The following EDIL3 variants were observed in gnomAD, a reference collection of about 807,000 sequenced individuals.
EDIL3 encodes EGF-like repeat and discoidin I-like domain-containing protein 3.
A neutral mutation model predicts 67.4 loss-of-function variants in EDIL3; 37 were observed. The observed-to-expected ratio is 0.55, with a 90% CI of 0.42 to 0.72. EDIL3 has a LOEUF of 0.72. Among genes scored for constraint, EDIL3 ranks in the 30% least tolerant of loss-of-function variants. The pLI is 0.00. For missense variants in EDIL3, 527 were observed against 586.3 expected (o/e 0.90, Z 1.04); for synonymous variants, 195 against 196.3 (o/e 0.99, Z 0.05).
chr5:83,952,717 C>T (rs2112118599), intron 10 of EDIL3, among the ~76,000 whole-genome samples: 1 of 151,910 alleles, frequency 6.6e-6, no homozygotes, highest in East Asian at 2.0e-4. Flanking sequence ...TCCATCTCAT[C>T]AGAACAATTT....
chr5:84,362,571 G>GTT, intron 1 of EDIL3, among the ~76,000 whole-genome samples: 1 of 152,074 alleles, frequency 6.6e-6, no homozygotes, highest in African/African-American at 2.4e-5. Flanking sequence ...AAACAAACCT[G>GTT]AGAAGTCCCT....
chr5:84,199,814 C>A lies in EDIL3; in HGVS notation c.227-19293G>T, dbSNP rs1366990633. Among the ~76,000 whole-genome samples the A allele has an allele frequency of 2.0e-5, 3 of 152,006 alleles. No individual in the cohort carries two copies. In the East Asian group the frequency reaches 5.8e-4, roughly 29 times the overall value. The stretch of plus-strand genomic sequence containing the variant: ...AAAAACAGGCTTCCATGTATCACAA[C>A]TCAGCTGCGTTTAAAGCTCCATCAG... On this transcript the variant is annotated intron_variant, in intron 3 of 10. Transcript: ENST00000296591.
intron 9 of EDIL3, among the ~76,000 whole-genome samples, chr5:84,040,734 A>G (rs1580294162): frequency 6.6e-6 from 1 of 152,112 alleles, no homozygotes; most frequent in East Asian, 1.9e-4. Flanking sequence ...GGTACCACAG[A>G]ATTTCTTTAA....
intron 1 of EDIL3, among the ~76,000 whole-genome samples, chr5:84,311,635 T>C (rs576002123): frequency 1.3e-5 from 2 of 151,796 alleles, no homozygotes; most frequent in East Asian, 1.9e-4. Context: ...CATAGGACAA[T>C]AGTGGAGGGA....
intron 9 of EDIL3, among the ~76,000 whole-genome samples, chr5:84,010,497 A>C (rs940272361): frequency 1.1e-4 from 16 of 152,044 alleles, no homozygotes; most frequent in Non-Finnish European, 7.4e-5. Context: ...TTATCTTTCC[A>C]GTACAGGTTC....
intron 1 of EDIL3, among the ~76,000 whole-genome samples, chr5:84,283,735 G>C (rs1376999553): frequency 6.6e-6 from 1 of 152,058 alleles, no homozygotes; most frequent in African/African-American, 2.4e-5. Context: ...TTGTGTCCTA[G>C]CATATATTCC....
intron 4 of EDIL3, among the ~76,000 whole-genome samples, chr5:84,139,215 C>A (rs1748146035): frequency 6.9e-6 from 1 of 144,462 alleles, no homozygotes; most frequent in East Asian, 2.1e-4. Context: ...CCAGCCTGGG[C>A]AACAGAGCTA....
At chr5:84,076,549 A>T (rs1319412860) in intron 6 of EDIL3, among the ~76,000 whole-genome samples, 1 of 152,218 alleles carries the variant, frequency 6.6e-6, no homozygotes, top group African/African-American at 2.4e-5. Flanking sequence ...CGAGCTACGT[A>T]GATTTTCTAA....
chr5:84,325,220 C>A (rs1220638011), intron 1 of EDIL3, among the ~76,000 whole-genome samples: 1 of 151,796 alleles, frequency 6.6e-6, no homozygotes, highest in Non-Finnish European at 1.5e-5. Flanking sequence ...AATTATAAAT[C>A]ATATATCTAA....
chr5:84,160,122 T>C (rs1343229590), intron 4 of EDIL3, among the ~76,000 whole-genome samples: 2 of 152,172 alleles, frequency 1.3e-5, no homozygotes, highest in African/African-American at 4.8e-5. Context: ...CTACTACTCC[T>C]TCTTCAGAAC....
Position 83,943,186 on chromosome 5 carries a change from A to G in EDIL3, c.*233T>C. On this transcript the variant is annotated 3_prime_UTR_variant, in exon 11 of 11. Transcript: ENST00000296591. ...AAACAATGAGAGAAAAGTAATTCAC[A>G]CTTAATGTGTTGTTACTTAAGAGAT... is the stretch of plus-strand genomic sequence containing the variant. 3 of 485,706 alleles carry G rather than the reference A, an allele frequency of 6.2e-6. No homozygotes were observed. The highest frequency in any genetic ancestry group is 2.5e-5 in the South Asian group (1 of 40,740). The allele number at this position is 485,706 out of a possible 1,614,324, so 30.1% of individuals were successfully genotyped here.
At chr5:84,136,766 C>A (rs777127700) in intron 5 of EDIL3, among the ~76,000 whole-genome samples, 1 of 152,012 alleles carries the variant, frequency 6.6e-6, no homozygotes, top group African/African-American at 2.4e-5. Flanking sequence ...AGCTCCTGGG[C>A]TCCTCTTGCT....
intron 10 of EDIL3, among the ~76,000 whole-genome samples, chr5:83,956,716 T>G (rs766546061): frequency 1.3e-5 from 2 of 151,598 alleles, no homozygotes; most frequent in Non-Finnish European, 3.0e-5. Context: ...AAATTACAAG[T>G]AGAAAAGCAG....
At chr5:84,325,021 C>A (rs1334218637) in intron 1 of EDIL3, among the ~76,000 whole-genome samples, 1 of 151,538 alleles carries the variant, frequency 6.6e-6, no homozygotes, top group Admixed American at 6.6e-5. Flanking sequence ...TCCAAAAAAT[C>A]GAAGAGGAAG....
intron 9 of EDIL3, among the ~76,000 whole-genome samples, chr5:84,011,083 C>T (rs1412399814): frequency 4.6e-5 from 7 of 152,160 alleles, no homozygotes; most frequent in African/African-American, 1.7e-4. Context: ...AAACCTCTGA[C>T]TATAGCATAC....
At chr5:83,975,412 A>T (rs1744861483) in intron 9 of EDIL3, among the ~76,000 whole-genome samples, 1 of 151,982 alleles carries the variant, frequency 6.6e-6, no homozygotes, top group Non-Finnish European at 1.5e-5. Context: ...AAATCACTTG[A>T]AACAAACTCA....
intron 6 of EDIL3, among the ~76,000 whole-genome samples, chr5:84,079,853 C>T (rs1194905095): frequency 6.6e-6 from 1 of 151,970 alleles, no homozygotes; most frequent in East Asian, 1.9e-4. Flanking sequence ...TTTGCAACTC[C>T]CCTGTTCTTT....
intron 9 of EDIL3, among the ~76,000 whole-genome samples, chr5:84,038,084 A>T (rs898634592): frequency 4.1e-5 from 6 of 145,780 alleles, no homozygotes; most frequent in Non-Finnish European, 3.0e-5. Flanking sequence ...CTCACTGCAA[A>T]CTCTGCCTCC....
chr5:84,079,818 AG>A (rs1003431490), intron 6 of EDIL3, among the ~76,000 whole-genome samples: 15 of 151,934 alleles, frequency 9.9e-5, no homozygotes, highest in Admixed American at 2.6e-4. Context: ...CCAGTTAAAA[AG>A]CACAGTTAAA....
Sources: allele counts gnomAD v4.1 joint callset (sites outside exome capture counted in the v4.1 genomes callset), GRCh38; gene constraint gnomAD v4.1.1; transcripts MANE v1.5; gene names NCBI Gene and HGNC (gene_info 2026-07-23, HGNC 2026-07-21).